Variants in LMX1A observed in about 807,000 individuals in gnomAD.
LMX1A encodes the protein LIM homeobox transcription factor 1-alpha.
In LMX1A, 15 loss-of-function variants were observed where a neutral mutation model predicts 49.1. The observed-to-expected ratio is 0.31, with a 90% confidence interval of 0.20 to 0.47. LMX1A has a LOEUF of 0.47. Among genes scored for constraint, LMX1A ranks in the 20% least tolerant of loss-of-function variants. LMX1A has a pLI of 1.00. For synonymous variants in LMX1A, 167 were observed against 185.7 expected, an observed-to-expected ratio of 0.90 and a Z score of 0.82; for missense variants, 372 against 475.8, an observed-to-expected ratio of 0.78 and a Z score of 2.03.
At chr1:165,299,503 G>T (rs1398705279) in intron 3 of LMX1A, among the ~76,000 whole-genome samples, 4 of 152,178 alleles carry the variant, frequency 2.6e-5, no homozygotes, top group Non-Finnish European at 4.4e-5. Context: ...AACAAAAGGG[G>T]AGGGAAAACA....
intron 3 of LMX1A, among the ~76,000 whole-genome samples, chr1:165,309,218 C>A (rs936613146): frequency 6.6e-6 from 1 of 152,078 alleles, no homozygotes; most frequent in Non-Finnish European, 1.5e-5. Flanking sequence ...ACGCTCCCCA[C>A]CCCCAGCCCT....
At chr1:165,354,080 G>A (rs1656517570) in intron 2 of LMX1A, among the ~76,000 whole-genome samples, 1 of 152,164 alleles carries the variant, frequency 6.6e-6, no homozygotes, top group East Asian at 1.9e-4. Context: ...AGTTTGTGGG[G>A]GGCGGAGAGG....
intron 3 of LMX1A, among the ~76,000 whole-genome samples, chr1:165,325,059 C>T (rs1571223666): frequency 1.3e-5 from 2 of 152,138 alleles, no homozygotes; most frequent in East Asian, 3.8e-4. Context: ...CAGATGACCA[C>T]CACATCATCA....
chr1:165,223,037 GA>G (rs869272532), intron 4 of LMX1A, among the ~76,000 whole-genome samples: 27 of 151,666 alleles, frequency 1.8e-4, no homozygotes, highest in African/African-American at 6.3e-4. Context: ...TGGGGTGGGG[GA>G]GTGATAAAAA....
At chr1:165,231,713 T>G (rs1177461792) in intron 4 of LMX1A, among the ~76,000 whole-genome samples, 1 of 152,210 alleles carries the variant, frequency 6.6e-6, no homozygotes. Flanking sequence ...TTATAGTTGT[T>G]GTTATTTTAT....
chr1:165,219,250 A>C (rs1651749447), intron 4 of LMX1A: 1 of 152,126 alleles, frequency 6.6e-6, no homozygotes, highest in Admixed American at 6.5e-5. Context: ...TGTTGGAAAA[A>C]TCCCAACGGC....
intron 3 of LMX1A, among the ~76,000 whole-genome samples, chr1:165,252,998 AC>A (rs1235464676): frequency 1.3e-5 from 2 of 152,232 alleles, no homozygotes; most frequent in Non-Finnish European, 2.9e-5. Context: ...CCTGAAATAT[AC>A]CAAACTCTGT....
rs954137059 is a variant in LMX1A at position 165,355,563 on chromosome 1, C to A, written c.-4G>T. 3.1e-6 allele frequency: 5 copies of A among 1,613,208 alleles called. No homozygotes were observed. In the African/African-American group the frequency reaches 5.3e-5, roughly 17 times the overall value. On this transcript the variant is annotated 5_prime_UTR_variant, in exon 2 of 9. Transcript: ENST00000342310. The surrounding 1 kb of genome is among the most constrained non-coding windows in gnomAD (Gnocchi z 4.7). ...CCATCTTTAGGCCGTCCAGCATGTT[C>A]GGGCCGGGCCGGGAGGACCTGTAGA...
intron 3 of LMX1A, 114 bp downstream of exon 3, chr1:165,352,962 C>A (rs1656477157): frequency 9.0e-7 from 1 of 1,108,170 alleles, no homozygotes. Flanking sequence ...AAGTTCTGCT[C>A]GCTGGGCGTG....
intron 4 of LMX1A, among the ~76,000 whole-genome samples, chr1:165,239,613 A>G (rs1221282719): frequency 1.3e-5 from 2 of 152,246 alleles, no homozygotes; most frequent in Non-Finnish European, 2.9e-5. Flanking sequence ...TGTAAGAGAC[A>G]AATCTGTTGA....
intron 3 of LMX1A, among the ~76,000 whole-genome samples, chr1:165,332,675 T>C (rs997598709): frequency 6.6e-6 from 1 of 152,156 alleles, no homozygotes; most frequent in Non-Finnish European, 1.5e-5. Context: ...AGCAAACACA[T>C]CCACCGTTGC....
chr1:165,338,856 T>C (rs751444691), intron 3 of LMX1A, among the ~76,000 whole-genome samples: 4 of 152,228 alleles, frequency 2.6e-5, no homozygotes, highest in Non-Finnish European at 5.9e-5. Flanking sequence ...TGGCCCCTTA[T>C]GACCTTGTCA....
At chr1:165,352,819 C>G (rs1656471937) in intron 3 of LMX1A, among the ~76,000 whole-genome samples, 2 of 152,264 alleles carry the variant, frequency 1.3e-5, no homozygotes, top group Non-Finnish European at 2.9e-5. Context: ...GACCAGAAAG[C>G]AGGCGAGCAG....
At chr1:165,223,495 T>C (rs1427706988) in intron 4 of LMX1A, among the ~76,000 whole-genome samples, 2 of 152,172 alleles carry the variant, frequency 1.3e-5, no homozygotes, top group East Asian at 3.9e-4. Context: ...TAGGAGAAGA[T>C]GGTGAATAAA....
At chr1:165,204,143 T>A in intron 8 of LMX1A, 103 bp from the exon 9 acceptor site, 2 of 1,245,076 alleles carry the variant, frequency 1.6e-6, no homozygotes, top group Non-Finnish European at 2.3e-6. Flanking sequence ...GAGCACAGGC[T>A]CCAGGTGAAA....
chr1:165,267,305 T>C (rs1557868357), intron 3 of LMX1A, among the ~76,000 whole-genome samples: 2 of 152,216 alleles, frequency 1.3e-5, no homozygotes, highest in Non-Finnish European at 2.9e-5. Context: ...TTTTCTAGGT[T>C]CATTGCATTC....
chr1:165,243,458 C>G (rs936791451), intron 4 of LMX1A, among the ~76,000 whole-genome samples: 1 of 152,164 alleles, frequency 6.6e-6, no homozygotes, highest in Non-Finnish European at 1.5e-5. Flanking sequence ...TGTGCTGGTT[C>G]AAACCACATA....
chr1:165,221,440 G>C (rs1458040580), intron 4 of LMX1A, among the ~76,000 whole-genome samples: 2 of 151,948 alleles, frequency 1.3e-5, no homozygotes, highest in African/African-American at 2.4e-5. Flanking sequence ...TCCCCACCAG[G>C]GCGAATGCAA....
intron 3 of LMX1A, among the ~76,000 whole-genome samples, chr1:165,260,105 G>A (rs1286014966): frequency 6.6e-6 from 1 of 152,168 alleles, no homozygotes; most frequent in Non-Finnish European, 1.5e-5. Flanking sequence ...TTTCCTTTTA[G>A]GGAGTTAAGG....
Sources: gnomAD v4.1 joint callset for allele counts (sites outside exome capture counted in the v4.1 genomes callset) on GRCh38, gnomAD v4.1.1 for gene constraint, Gnocchi (gnomAD v3.1) non-coding constraint, MANE v1.5 for transcripts, NCBI Gene and HGNC (gene_info 2026-07-23, HGNC 2026-07-21) for gene names.